The following KCNIP4 variants were observed in gnomAD, a reference collection of about 807,000 sequenced individuals.
KCNIP4 encodes potassium voltage-gated channel interacting protein 4.
In KCNIP4, 12 loss-of-function variants were observed where a neutral mutation model predicts 34.0. The ratio of observed to expected loss-of-function variants is 0.35; its 90% CI spans 0.23 to 0.57. The LOEUF (loss-of-function observed/expected upper bound fraction) is 0.57, where lower values mean the gene tolerates loss of function less well. Ranked by LOEUF, KCNIP4 falls within the 20% of genes least tolerant of loss-of-function variation. KCNIP4 has a pLI of 0.83. For missense variants in KCNIP4, 238 were observed against 311.7 expected (o/e 0.76, Z 1.78); for synonymous variants, 124 against 102.2 (o/e 1.21, Z -1.29).
At chr4:21,571,686 C>T (rs1287399745) in intron 1 of KCNIP4, among the ~76,000 whole-genome samples, 1 of 152,104 alleles carries the variant, frequency 6.6e-6, no homozygotes. Flanking sequence ...GCAGAAGAGA[C>T]ACTTATTGCT....
intron 1 of KCNIP4, among the ~76,000 whole-genome samples, chr4:21,754,617 G>C (rs906076574): frequency 2.0e-5 from 3 of 152,160 alleles, no homozygotes; most frequent in Non-Finnish European, 4.4e-5. Context: ...GGAGCAGAAA[G>C]CCTGGCCTCT....
At chr4:21,615,214 G>C (rs1025045762) in intron 1 of KCNIP4, among the ~76,000 whole-genome samples, 4 of 152,122 alleles carry the variant, frequency 2.6e-5, no homozygotes, top group Admixed American at 1.3e-4. Context: ...ATAATGATTA[G>C]AGTAAAAGAA....
At chr4:21,479,745 A>T (rs17524637) in intron 1 of KCNIP4, among the ~76,000 whole-genome samples, 18,997 of 152,144 alleles carry the variant, frequency 0.12, 1,350 homozygotes, top group South Asian at 0.21. Flanking sequence ...CAAATCTTCA[A>T]ATTAATAGCA....
At chr4:21,587,870 T>C (rs1052011043) in intron 1 of KCNIP4, among the ~76,000 whole-genome samples, 2 of 152,074 alleles carry the variant, frequency 1.3e-5, no homozygotes, top group Admixed American at 1.3e-4. Context: ...TGAATACATA[T>C]AGCCCTGTTA....
At chr4:20,882,584 A>T in intron 2 of KCNIP4, 24 bp downstream of exon 2, 1 of 1,573,590 alleles carries the variant, frequency 6.4e-7, no homozygotes, top group Non-Finnish European at 8.7e-7. Flanking sequence ...CGGAGGAAAA[A>T]AAAAAACAAA....
At chr4:21,870,267 C>A (rs985742959) in intron 1 of KCNIP4, among the ~76,000 whole-genome samples, 3 of 152,240 alleles carry the variant, frequency 2.0e-5, no homozygotes, top group Non-Finnish European at 4.4e-5. Flanking sequence ...GAGAAGGGAA[C>A]AAAAGTCTTT....
chr4:21,085,912 C>T (rs1018926438), intron 1 of KCNIP4, among the ~76,000 whole-genome samples: 2 of 152,190 alleles, frequency 1.3e-5, no homozygotes, highest in African/African-American at 2.4e-5. Flanking sequence ...GTTAACTCCA[C>T]TGCATTTCCA....
chr4:21,220,221 A>C (rs571183129), intron 1 of KCNIP4, among the ~76,000 whole-genome samples: 1 of 152,146 alleles, frequency 6.6e-6, no homozygotes, highest in Non-Finnish European at 1.5e-5. Flanking sequence ...TGACTATGTG[A>C]CTATGTGATA....
chr4:21,857,127 C>T (rs1231391190), intron 1 of KCNIP4, among the ~76,000 whole-genome samples: 2 of 152,224 alleles, frequency 1.3e-5, no homozygotes, highest in African/African-American at 2.4e-5. Flanking sequence ...ACCAGTTCTG[C>T]AGAGTGGGAA....
intron 1 of KCNIP4, among the ~76,000 whole-genome samples, chr4:21,247,605 G>T (rs1560212245): frequency 2.6e-5 from 3 of 116,286 alleles, no homozygotes; most frequent in East Asian, 2.5e-4. Context: ...ACCACAGATG[G>T]TATATATATT....
At chr4:21,322,684 C>T (rs1162038907) in intron 1 of KCNIP4, among the ~76,000 whole-genome samples, 2 of 151,614 alleles carry the variant, frequency 1.3e-5, no homozygotes, top group Non-Finnish European at 2.9e-5. Flanking sequence ...TAAGTGAATC[C>T]GAAGTTTAAT....
intron 1 of KCNIP4, among the ~76,000 whole-genome samples, chr4:20,907,602 T>C (rs1477910862): frequency 6.6e-6 from 1 of 152,244 alleles, no homozygotes; most frequent in Non-Finnish European, 1.5e-5. Context: ...AAATAAATTG[T>C]TAAAAAGCAC....
At chr4:21,077,055 G>T (rs919994012) in intron 1 of KCNIP4, among the ~76,000 whole-genome samples, 46 of 152,222 alleles carry the variant, frequency 3.0e-4, no homozygotes, top group African/African-American at 1.0e-3. Flanking sequence ...AACCAGGGAG[G>T]TGGAGGTTGC....
intron 1 of KCNIP4, among the ~76,000 whole-genome samples, chr4:21,863,252 C>T (rs958409762): frequency 7.6e-6 from 1 of 132,216 alleles, no homozygotes; most frequent in Non-Finnish European, 1.6e-5. Flanking sequence ...ATAAATTCCA[C>T]GGATTGAATT....
intron 1 of KCNIP4, among the ~76,000 whole-genome samples, chr4:21,305,102 A>G (rs986418754): frequency 7.2e-5 from 11 of 152,314 alleles, no homozygotes; most frequent in East Asian, 1.9e-4. Context: ...TAAAAAAACT[A>G]CAAGAGAGAG....
At chr4:21,672,490 T>G (rs888383524) in intron 1 of KCNIP4, among the ~76,000 whole-genome samples, 1 of 152,164 alleles carries the variant, frequency 6.6e-6, no homozygotes, top group Admixed American at 6.6e-5. Flanking sequence ...ATAATAACCT[T>G]CTGATAGTAA....
intron 1 of KCNIP4, among the ~76,000 whole-genome samples, chr4:21,085,160 G>A (rs1746309862): frequency 6.6e-6 from 1 of 152,062 alleles, no homozygotes; most frequent in Admixed American, 6.6e-5. Flanking sequence ...AGGTAATTAG[G>A]TCACAACGGA....
chr4:21,655,171 C>T (rs1747821292), intron 1 of KCNIP4, among the ~76,000 whole-genome samples: 1 of 152,002 alleles, frequency 6.6e-6, no homozygotes, highest in Non-Finnish European at 1.5e-5. Context: ...AAGATTAGAT[C>T]CCATATGAGC....
intron 1 of KCNIP4, among the ~76,000 whole-genome samples, chr4:20,884,487 A>G (rs1056426680): frequency 3.3e-5 from 5 of 150,858 alleles, no homozygotes; most frequent in Non-Finnish European, 5.9e-5. Context: ...AACACACCCT[A>G]TATTTTGCTT....
Sources: allele counts gnomAD v4.1 joint callset (sites outside exome capture counted in the v4.1 genomes callset), GRCh38; gene constraint gnomAD v4.1.1; transcripts MANE v1.5; gene names NCBI Gene and HGNC (gene_info 2026-07-23, HGNC 2026-07-21).